Variants in SLC26A5 observed in about 807,000 individuals in gnomAD.
The protein encoded by SLC26A5 is prestin.
A neutral mutation model predicts 81.0 loss-of-function variants in SLC26A5; 51 were observed. That is an observed-to-expected ratio of 0.63 (90% confidence interval 0.50 to 0.80). SLC26A5 has a LOEUF of 0.80. SLC26A5 is among the 30% of genes least tolerant of loss of function. The pLI is 0.00. For synonymous variants in SLC26A5, 325 were observed against 332.8 expected (o/e 0.98, Z 0.25); for missense variants, 771 against 905.8 (o/e 0.85, Z 1.91).
At chr7:103,354,838 A>G (rs1484612595) in intron 19 of SLC26A5, 9 of 1,440,844 alleles carry the variant, frequency 6.2e-6, no homozygotes, top group Non-Finnish European at 7.7e-6. Flanking sequence ...ATATCCTGAT[A>G]TTCTAACTAA....
intron 19 of SLC26A5, among the ~76,000 whole-genome samples, chr7:103,365,637 AAAATT>A (rs1385586995): frequency 6.6e-6 from 1 of 152,092 alleles, no homozygotes; most frequent in East Asian, 1.9e-4. Flanking sequence ...CTCAAAAAAT[AAAATT>A]AAAATAGCTG....
chr7:103,410,348 A>T, intron 7 of SLC26A5, 37 bp downstream of exon 7: 1 of 1,567,122 alleles, frequency 6.4e-7, no homozygotes, highest in Non-Finnish European at 8.8e-7. Flanking sequence ...GGGAATAAAG[A>T]GAAAAGTACC....
chr7:103,362,843 G>T, intron 19 of SLC26A5: 1 of 1,070,866 alleles, frequency 9.3e-7, no homozygotes, highest in South Asian at 1.4e-5. Context: ...GTCCAGGCTG[G>T]AGTAGAATGG....
intron 2 of SLC26A5, among the ~76,000 whole-genome samples, chr7:103,422,785 C>G (rs1825447913): frequency 1.3e-5 from 2 of 152,084 alleles, no homozygotes; most frequent in East Asian, 3.9e-4. Context: ...ATATTAAATG[C>G]ACAACAACTA....
chr7:103,381,579 C>A (rs973125939), intron 14 of SLC26A5, among the ~76,000 whole-genome samples: 3 of 151,184 alleles, frequency 2.0e-5, no homozygotes, highest in Admixed American at 6.6e-5. Flanking sequence ...CATACATATA[C>A]ACACACACAT....
intron 15 of SLC26A5, among the ~76,000 whole-genome samples, 180 bp from the exon 16 acceptor site, chr7:103,379,515 A>C (rs1821620928): frequency 6.6e-6 from 1 of 152,052 alleles, no homozygotes; most frequent in South Asian, 2.1e-4. Context: ...AAAAGAAAAA[A>C]AAAGTCACTC....
At chr7:103,382,391 C>T (rs1163940728) in intron 14 of SLC26A5, among the ~76,000 whole-genome samples, 1 of 143,946 alleles carries the variant, frequency 6.9e-6, no homozygotes, top group Non-Finnish European at 1.5e-5. Context: ...ATCCTGTTGC[C>T]CAGGCTGGAG....
rs183268596 is a variant in SLC26A5 at position 103,404,381 on chromosome 7, G to A, written c.888+3470C>T. 7.2e-5 allele frequency among the ~76,000 whole-genome samples: 11 copies of A among 152,216 alleles called. No individual in the cohort carries two copies. In the East Asian group the frequency reaches 2.1e-3, roughly 29 times the overall value. Reference sequence around the variant, plus strand: ...GGAGCTCTTGTAAGGCAGGCCTGGTGGTGACAAAATCTCTCAGCATTTGCT... The same window carrying A: ...GGAGCTCTTGTAAGGCAGGCCTGGTAGTGACAAAATCTCTCAGCATTTGCT... On this transcript the variant is annotated intron_variant, in intron 8 of 19. Coordinates refer to ENST00000306312, the MANE Select transcript of SLC26A5 (RefSeq NM_198999.3).
rs1822614272 is a variant in SLC26A5, at chr7:103,391,121, C to T, written c.1233+501G>A. 2.0e-5 allele frequency among the ~76,000 whole-genome samples: 3 copies of T among 152,154 alleles called. No individual in the cohort carries two copies. In the South Asian group the frequency reaches 6.2e-4, roughly 32 times the overall value. ...CTCATGATCTGCCCGCCTTGGCCTC[C>T]CAGAGTGCTGCGATTACAGGCATGA... On this transcript the variant is annotated intron_variant, in intron 11 of 19. Coordinates refer to ENST00000306312, the MANE Select transcript of SLC26A5 (RefSeq NM_198999.3).
rs1230358479 is a variant in SLC26A5, at chr7:103,443,119, G to A, written c.-90C>T. ...GTGCAGCACAAAAGTCGGGACAGGGGACAAGATCCCCCGCTGGGAGCTCCA... is the reference window on the plus strand; with the variant it reads ...GTGCAGCACAAAAGTCGGGACAGGGAACAAGATCCCCCGCTGGGAGCTCCA... On this transcript the variant is annotated 5_prime_UTR_variant, in exon 2 of 20. Transcript: ENST00000306312. 6.6e-6 allele frequency: 1 copy of A among 152,234 alleles called. No homozygotes were observed. Among genetic ancestry groups the A allele is most frequent in the Non-Finnish European group, 1.5e-5 (1 of 68,094 alleles). The allele number at this position is 152,234 out of a possible 1,614,324, so 9.4% of individuals were successfully genotyped here. A position where few individuals can be genotyped will look rare whatever the true frequency, so the allele number is the denominator to read the frequency against.
intron 15 of SLC26A5, 37 bp downstream of exon 15, chr7:103,380,443 G>A: frequency 6.4e-7 from 1 of 1,555,986 alleles, no homozygotes; most frequent in Non-Finnish European, 8.9e-7. Context: ...CACATCACAT[G>A]CTTACAACCT....
At chr7:103,427,759 G>A (rs966910797) in intron 2 of SLC26A5, among the ~76,000 whole-genome samples, 10 of 152,184 alleles carry the variant, frequency 6.6e-5, no homozygotes, top group African/African-American at 2.4e-4. Context: ...TGTTATGGCA[G>A]GGTCAACTAC....
intron 19 of SLC26A5, chr7:103,354,875 G>A (rs753258999): frequency 1.2e-5 from 20 of 1,611,590 alleles, no homozygotes; most frequent in Non-Finnish European, 1.6e-5. Context: ...TAGGGTCAGA[G>A]CACTTACTCT....
Position 103,410,403 on chromosome 7 carries a change from T to A in SLC26A5, c.717A>T (p.Gly239=), listed in dbSNP as rs762152246. ...LFGVKTKRYS[G]IFSVVYSTVA... ...TACTTACATACACCACGGAAAAGAT[T>A]CCACTGTACCGCTTTGTTTTAACTC... The change falls in exon 7 of 20, where the codon GGA becomes GGT. Residue 239 remains glycine, a synonymous_variant. Transcript: ENST00000306312. 6 of 1,613,966 alleles carry A rather than the reference T, an allele frequency of 3.7e-6. No homozygotes were observed. Among genetic ancestry groups the A allele is most frequent in the South Asian group, 3.3e-5 (3 of 91,084 alleles).
At chr7:103,421,808 C>T (rs1260581937) in intron 2 of SLC26A5, among the ~76,000 whole-genome samples, 1 of 152,172 alleles carries the variant, frequency 6.6e-6, no homozygotes, top group Non-Finnish European at 1.5e-5. Context: ...TTAACAAAAG[C>T]TCATATTAAG....
chr7:103,380,963 C>T (rs1033724481), intron 14 of SLC26A5, among the ~76,000 whole-genome samples: 31 of 151,314 alleles, frequency 2.0e-4, no homozygotes, highest in Non-Finnish European at 4.0e-4. Flanking sequence ...TACACACATG[C>T]ATACATACCA....
chr7:103,386,106 T>A (rs1822174035), intron 14 of SLC26A5, among the ~76,000 whole-genome samples: 1 of 151,962 alleles, frequency 6.6e-6, no homozygotes, highest in Non-Finnish European at 1.5e-5. Context: ...TTTTTTTGTA[T>A]TTTTAGTAGA....
chr7:103,377,795 G>A lies in SLC26A5; in HGVS notation c.1790C>T (p.Ala597Val). 1 of 1,613,494 alleles carries A rather than the reference G, an allele frequency of 6.2e-7. No homozygotes were observed. The highest frequency in any genetic ancestry group is 8.5e-7 in the Non-Finnish European group (1 of 1,179,932). Reference sequence around the variant, plus strand: ...GGTAGCATCCTCTCCATCTACTTCTGCATCCTGTGTCAAAAATTAAACCAA... The same window carrying A: ...GGTAGCATCCTCTCCATCTACTTCTACATCCTGTGTCAAAAATTAAACCAA... ...MANATVVKAD[A>V]EVDGEDATKP... The change falls in exon 18 of 20, where the codon GCA (alanine) becomes GTA (valine). Residue 597 changes from alanine (A) to valine (V), a missense_variant. Transcript: ENST00000306312.
intron 19 of SLC26A5, among the ~76,000 whole-genome samples, chr7:103,355,963 C>T (rs770323899): frequency 6.6e-6 from 1 of 152,024 alleles, no homozygotes. Flanking sequence ...AACAATTCTT[C>T]AAAAATATAT....
Sources: gnomAD v4.1 joint callset for allele counts (sites outside exome capture counted in the v4.1 genomes callset) on GRCh38, gnomAD v4.1.1 for gene constraint, MANE v1.5 for transcripts, NCBI Gene and HGNC (gene_info 2026-07-23, HGNC 2026-07-21) for gene names.